RERE: variants seen among roughly 807,000 people sequenced by gnomAD.
RERE encodes the protein arginine-glutamic acid dipeptide repeats protein.
In RERE, 40 loss-of-function variants were observed where a neutral mutation model predicts 146.1. The observed-to-expected ratio is 0.27, with a 90% CI of 0.21 to 0.36. The LOEUF (loss-of-function observed/expected upper bound fraction) is 0.36, where lower values mean the gene tolerates loss of function less well. RERE is among the 10% of genes least tolerant of loss of function. The pLI, the probability that RERE is intolerant of heterozygous loss-of-function variation, is 1.00. For missense variants in RERE, 1,933 were observed against 2,138.7 expected, an observed-to-expected ratio of 0.90 and a Z score of 1.90; for synonymous variants, 1,003 against 866.0, an observed-to-expected ratio of 1.16 and a Z score of -2.78.
intron 2 of RERE, among the ~76,000 whole-genome samples, chr1:8,651,366 C>G (rs1193181264): frequency 6.6e-6 from 1 of 152,052 alleles, no homozygotes; most frequent in Non-Finnish European, 1.5e-5. Flanking sequence ...ACTATGATCA[C>G]GCCACTACCC....
chr1:8,656,471 C>G, intron 1 of RERE, 30 bp from the exon 2 acceptor site: 1 of 839,774 alleles, frequency 1.2e-6, no homozygotes, highest in Non-Finnish European at 1.8e-6. Flanking sequence ...GGTTTTAACG[C>G]TTTTTCATAT....
chr1:8,521,764 C>G (rs1404071596), intron 7 of RERE, among the ~76,000 whole-genome samples: 1 of 152,192 alleles, frequency 6.6e-6, no homozygotes, highest in Non-Finnish European at 1.5e-5. Context: ...ACCACACTAC[C>G]TGGCTCCAAA....
chr1:8,532,904 T>G (rs1022967730), intron 7 of RERE, among the ~76,000 whole-genome samples: 6 of 152,068 alleles, frequency 3.9e-5, no homozygotes, highest in African/African-American at 1.4e-4. Flanking sequence ...CCTTTTTTTT[T>G]GTATTTTTAG....
chr1:8,646,974 C>T (rs1220379778), intron 2 of RERE, among the ~76,000 whole-genome samples: 1 of 152,140 alleles, frequency 6.6e-6, no homozygotes, highest in African/African-American at 2.4e-5. Context: ...TACAATTAGC[C>T]AGGCATGGTA....
intron 1 of RERE, among the ~76,000 whole-genome samples, chr1:8,665,567 G>C (rs1187225369): frequency 6.6e-6 from 1 of 152,194 alleles, no homozygotes; most frequent in African/African-American, 2.4e-5. Flanking sequence ...GTAGGATAAG[G>C]AGACGCAAAG....
chr1:8,610,119 C>T (rs554887319), intron 4 of RERE, among the ~76,000 whole-genome samples: 1 of 152,208 alleles, frequency 6.6e-6, no homozygotes, highest in South Asian at 2.1e-4. Flanking sequence ...TGTTTTTAAT[C>T]TTAACTTTTA....
intron 10 of RERE, among the ~76,000 whole-genome samples, chr1:8,486,816 T>G (rs1420373135): frequency 1.3e-5 from 2 of 149,290 alleles, no homozygotes; most frequent in African/African-American, 2.4e-5. Context: ...ATAAAAAAAT[T>G]TAGATGGCTA....
chr1:8,635,471 C>T (rs1417991643), intron 2 of RERE, among the ~76,000 whole-genome samples: 1 of 152,188 alleles, frequency 6.6e-6, no homozygotes, highest in African/African-American at 2.4e-5. Context: ...CCCTAAGAGG[C>T]TCTGGATGCT....
intron 2 of RERE, among the ~76,000 whole-genome samples, chr1:8,646,075 AACCT>A (rs1647293594): frequency 1.7e-4 from 1 of 5,726 alleles, no homozygotes; most frequent in East Asian, 0.017. Flanking sequence ...GAAACACCTG[AACCT>A]GAGTCTACCT....
chr1:8,718,667 G>A (rs1241217075), intron 1 of RERE, among the ~76,000 whole-genome samples: 1 of 152,182 alleles, frequency 6.6e-6, no homozygotes, highest in East Asian at 1.9e-4. Context: ...AGTTCTGACT[G>A]AGCTTCCCAG....
At chr1:8,580,066 G>C (rs961139688) in intron 4 of RERE, among the ~76,000 whole-genome samples, 2 of 152,168 alleles carry the variant, frequency 1.3e-5, no homozygotes, top group African/African-American at 4.8e-5. Flanking sequence ...AGTATCAACA[G>C]TAAAATCGAA....
chr1:8,476,291 A>G (rs1644755424), intron 10 of RERE, among the ~76,000 whole-genome samples: 4 of 152,188 alleles, frequency 2.6e-5, no homozygotes. Context: ...AAGTAGCAGC[A>G]TGAGGATTCT....
intron 1 of RERE, among the ~76,000 whole-genome samples, chr1:8,757,038 C>A (rs1040007064): frequency 6.9e-6 from 1 of 144,488 alleles, no homozygotes; most frequent in African/African-American, 2.6e-5. Flanking sequence ...GGCATTGAGC[C>A]GAGATTGTGC....
chr1:8,580,190 G>A (rs554349938), intron 4 of RERE, among the ~76,000 whole-genome samples: 15 of 152,148 alleles, frequency 9.9e-5, no homozygotes, highest in African/African-American at 2.4e-4. Context: ...TCCTAGTAGC[G>A]GATAAAGTAG....
At chr1:8,504,840 G>A (rs577401844) in intron 8 of RERE, among the ~76,000 whole-genome samples, 1 of 151,754 alleles carries the variant, frequency 6.6e-6, no homozygotes, top group South Asian at 2.1e-4. Flanking sequence ...GCGACCGAGT[G>A]AGACTCCGTC....
intron 8 of RERE, among the ~76,000 whole-genome samples, chr1:8,507,081 T>G (rs1645259693): frequency 6.6e-6 from 1 of 152,124 alleles, no homozygotes; most frequent in Non-Finnish European, 1.5e-5. Context: ...GCCAGAGTCC[T>G]GTCAGTGAAA....
chr1:8,502,280 C>T, intron 8 of RERE, among the ~76,000 whole-genome samples: 1 of 116,618 alleles, frequency 8.6e-6, no homozygotes, highest in South Asian at 3.2e-4. Context: ...CCGGCCGCCC[C>T]TACTGGGAAG....
At chr1:8,363,862 G>C (rs1004507350) in intron 15 of RERE, 194 bp downstream of exon 15, 4 of 606,100 alleles carry the variant, frequency 6.6e-6, no homozygotes, top group Non-Finnish European at 1.2e-5. Context: ...TGCCACCCTG[G>C]GGCCCCTCGA....
At position 8,602,675 on chromosome 1, in the gene RERE, G is replaced by A. The variant is rs111682565; in HGVS notation, c.522+11886C>T. On this transcript the variant is annotated intron_variant, in intron 4 of 22. Coordinates refer to ENST00000400908, the MANE Select transcript of RERE (RefSeq NM_001042681.2). ...GGAGAGACACCCAACAGTCACTTCC[G>A]TTTTAAAAAACAAAAACAAAACCAA... Among the ~76,000 whole-genome samples, 1,449 of 152,160 alleles carry A rather than the reference G, an allele frequency of 9.5e-3. 24 individuals carry two copies. Among genetic ancestry groups the A allele is most frequent in the African/African-American group, 0.033 (1,386 of 41,504 alleles).
Sources: gnomAD v4.1 joint callset for allele counts (sites outside exome capture counted in the v4.1 genomes callset) on GRCh38, gnomAD v4.1.1 for gene constraint, MANE v1.5 for transcripts, NCBI Gene and HGNC (gene_info 2026-07-23, HGNC 2026-07-21) for gene names.